DYNC2I2: variants seen among roughly 807,000 people sequenced by gnomAD.
The protein encoded by DYNC2I2 is dynein 2 intermediate chain 2, also known as cytoplasmic dynein 2 intermediate chain 2.
Under a neutral mutation model 52.0 loss-of-function variants are expected in DYNC2I2, and 39 were observed. That is an observed-to-expected ratio of 0.75 (90% CI 0.58 to 0.98). The LOEUF (loss-of-function observed/expected upper bound fraction) is 0.98, where lower values mean the gene tolerates loss of function less well. Ranked by LOEUF, DYNC2I2 falls within the 50% of genes least tolerant of loss-of-function variation. The pLI is 0.00. For synonymous variants in DYNC2I2, 359 were observed against 321.1 expected (o/e 1.12, Z -1.26); for missense variants, 743 against 728.4 (o/e 1.02, Z -0.23).
chr9:128,658,046 T>C (rs780413586), upstream of DYNC2I2, among the ~76,000 whole-genome samples: 6 of 152,042 alleles, frequency 3.9e-5, no homozygotes, highest in African/African-American at 4.8e-5. Context: ...AGAGCCCTGA[T>C]TGAACCACGC....
intron 1 of DYNC2I2, among the ~76,000 whole-genome samples, chr9:128,648,249 A>T (rs1228477848): frequency 6.6e-6 from 1 of 151,756 alleles, no homozygotes; most frequent in East Asian, 1.9e-4. Context: ...TCTACTAAAA[A>T]TACAAAAATT....
rs979997078 is a variant in DYNC2I2 at position 128,636,530 on chromosome 9, G to C, written c.546-92C>G. ...CTCCCCACTAGCCCCGGACACACTC[G>C]CTGTGTCCTTGTCACCACCAGACAC... is the stretch of plus-strand genomic sequence containing the variant. On this transcript the variant is annotated intron_variant, in intron 3 of 8. Transcript: ENST00000372715. The C allele has an allele frequency of 4.3e-6, 6 of 1,395,842 alleles. No individual in the cohort carries two copies. In the African/African-American group the frequency reaches 5.7e-5, roughly 13 times the overall value. 86.5% of individuals were successfully genotyped at this position (1,395,842 alleles called of 1,614,324 possible).
chr9:128,664,006 G>A, the DYNC2I2 span, among the ~76,000 whole-genome samples: 1 of 141,906 alleles, frequency 7.0e-6, no homozygotes, highest in Non-Finnish European at 1.5e-5. Flanking sequence ...TGCCCAGGCT[G>A]GAGTGCAATG....
chr9:128,659,192 G>A (rs1031023965), upstream of DYNC2I2, among the ~76,000 whole-genome samples: 2 of 151,866 alleles, frequency 1.3e-5, no homozygotes, highest in African/African-American at 4.8e-5. Context: ...CTCAAATGTA[G>A]ACTGAAGAAA....
intron 2 of DYNC2I2, among the ~76,000 whole-genome samples, chr9:128,638,387 C>A (rs982758443): frequency 2.6e-5 from 4 of 151,456 alleles, no homozygotes; most frequent in African/African-American, 9.7e-5. Flanking sequence ...TGTGGTAGCA[C>A]GTGCCTGTGG....
chr9:128,665,315 T>C, the DYNC2I2 span, among the ~76,000 whole-genome samples: 587 of 152,092 alleles, frequency 3.9e-3, 7 homozygotes, highest in African/African-American at 0.014. Flanking sequence ...CCTCCCAAAG[T>C]GCTGGGAATA....
the DYNC2I2 span, among the ~76,000 whole-genome samples, chr9:128,673,268 G>A: frequency 6.6e-6 from 1 of 152,116 alleles, no homozygotes; most frequent in Non-Finnish European, 1.5e-5. Flanking sequence ...ATAATAAAAT[G>A]TTCTTATTTA....
At chr9:128,655,428 A>G (rs1860800322) in intron 1 of DYNC2I2, among the ~76,000 whole-genome samples, 1 of 143,608 alleles carries the variant, frequency 7.0e-6, no homozygotes, top group South Asian at 2.2e-4. Context: ...GGAGAATGGC[A>G]TAAACCCGGG....
At chr9:128,665,789 A>G in the DYNC2I2 span, among the ~76,000 whole-genome samples, 2 of 148,620 alleles carry the variant, frequency 1.3e-5, no homozygotes, top group Non-Finnish European at 3.0e-5. Flanking sequence ...AAAAAAAAAA[A>G]AAGTCGGGCC....
chr9:128,664,775 G>A, the DYNC2I2 span, among the ~76,000 whole-genome samples: 39 of 151,074 alleles, frequency 2.6e-4, no homozygotes, highest in African/African-American at 8.7e-4. Flanking sequence ...GTGAGCCACC[G>A]TGCCCCACCA....
At chr9:128,657,632 G>A (rs1329590733), upstream of DYNC2I2, among the ~76,000 whole-genome samples, 1 of 151,846 alleles carries the variant, frequency 6.6e-6, no homozygotes, top group Non-Finnish European at 1.5e-5. Context: ...GTGAGAGCCC[G>A]TCTCTACAAA....
At chr9:128,668,524 TAAA>T in the DYNC2I2 span, among the ~76,000 whole-genome samples, 1 of 123,362 alleles carries the variant, frequency 8.1e-6, no homozygotes, top group African/African-American at 3.0e-5. Context: ...GAGACCATTC[TAAA>T]AAAAAAAAAA....
intron 1 of DYNC2I2, among the ~76,000 whole-genome samples, chr9:128,646,253 T>C (rs1189049893): frequency 6.6e-6 from 1 of 152,244 alleles, no homozygotes; most frequent in Non-Finnish European, 1.5e-5. Context: ...TCTCACTCTG[T>C]CACCCAGGCT....
intron 1 of DYNC2I2, among the ~76,000 whole-genome samples, chr9:128,653,325 G>C (rs1860754185): frequency 6.6e-6 from 1 of 150,700 alleles, no homozygotes. Context: ...GATGACTTGA[G>C]GCCAGGAGTT....
chr9:128,656,879 G>T, upstream of DYNC2I2: 2 of 780,542 alleles, frequency 2.6e-6, no homozygotes, highest in East Asian at 3.4e-5. Context: ...GAAAAGTAAC[G>T]ATTCTTCTCG....
chr9:128,633,902 CAG>C lies in DYNC2I2; in HGVS notation c.1451_1452del (p.Pro484ArgfsTer41), dbSNP rs773917839. On this transcript the variant is annotated frameshift_variant, in exon 9 of 9. Transcript: ENST00000372715. LOFTEE classifies it high-confidence loss of function. The stretch of plus-strand genomic sequence containing the variant: ...TGGCTGTTGAACTCCAGACAGTAGA[CAG>C]GGCTTTCATCCTGGGTTTGCTTGAT... ...VLIKQTQDES[P>X]VYCLEFNSQQ... 1 of 1,613,374 alleles carries C rather than the reference CAG, an allele frequency of 6.2e-7. No individual in the cohort carries two copies. The highest frequency in any genetic ancestry group is 8.5e-7 in the Non-Finnish European group (1 of 1,180,036).
intron 1 of DYNC2I2, among the ~76,000 whole-genome samples, chr9:128,643,466 G>A (rs1860555402): frequency 6.6e-6 from 1 of 151,592 alleles, no homozygotes; most frequent in African/African-American, 2.4e-5. Flanking sequence ...GGCGGAGGTT[G>A]CAGTGAGCCG....
chr9:128,678,663 T>C, the DYNC2I2 span, among the ~76,000 whole-genome samples: 431 of 151,636 alleles, frequency 2.8e-3, 2 homozygotes, highest in South Asian at 0.014. Context: ...GGTTTCACCA[T>C]GTGGGCCAGG....
upstream of DYNC2I2, among the ~76,000 whole-genome samples, chr9:128,661,235 C>T (rs1252567327): frequency 3.5e-5 from 5 of 143,784 alleles, no homozygotes; most frequent in African/African-American, 5.2e-5. Flanking sequence ...CCAGCTACTC[C>T]GGAGACCGAG....
Sources: gnomAD v4.1 joint callset for allele counts (sites outside exome capture counted in the v4.1 genomes callset) on GRCh38, gnomAD v4.1.1 for gene constraint, MANE v1.5 for transcripts, NCBI Gene and HGNC (gene_info 2026-07-23, HGNC 2026-07-21) for gene names.